The following USP24 variants were observed in gnomAD, a reference collection of about 807,000 sequenced individuals.
USP24 encodes the protein ubiquitin specific peptidase 24.
Under a neutral mutation model 361.6 loss-of-function variants are expected in USP24, and 97 were observed. The ratio of observed to expected loss-of-function variants is 0.27; its 90% confidence interval spans 0.23 to 0.32. USP24 has a LOEUF of 0.32. Ranked by LOEUF, USP24 falls within the 10% of genes least tolerant of loss-of-function variation. USP24 has a pLI of 1.00. For synonymous variants in USP24, 1,098 were observed against 1,124.6 expected, an observed-to-expected ratio of 0.98 and a Z score of 0.47; for missense variants, 2,353 against 3,165.6, an observed-to-expected ratio of 0.74 and a Z score of 6.16.
Position 55,066,447 on chromosome 1 carries a change from T to C in USP24, c.*2598A>G, listed in dbSNP as rs1228770704. The C allele has an allele frequency of 6.6e-6, 1 of 152,200 alleles. No homozygotes were observed. The allele number at this position is 152,200 out of a possible 1,614,324, so 9.4% of individuals were successfully genotyped here. A position where few individuals can be genotyped will look rare whatever the true frequency, so the allele number is the denominator to read the frequency against. ...ATTTAGAATTAAGGTTCTTCCCTAG[T>C]GTATCTACTTCCTTTTGAAATTTTA... On this transcript the variant is annotated 3_prime_UTR_variant, in exon 68 of 68. Transcript: ENST00000294383.
chr1:55,169,906 TTA>T (rs1291659130), intron 5 of USP24, among the ~76,000 whole-genome samples: 4 of 151,920 alleles, frequency 2.6e-5, no homozygotes, highest in Non-Finnish European at 5.9e-5. Flanking sequence ...AATGAATCAT[TTA>T]AGAGGGGAGC....
intron 32 of USP24, among the ~76,000 whole-genome samples, chr1:55,127,771 T>G (rs995904885): frequency 6.6e-6 from 1 of 152,162 alleles, no homozygotes; most frequent in Non-Finnish European, 1.5e-5. Context: ...TAACTGGTGT[T>G]AGATGGTATC....
rs376564722 is a variant in USP24, at chr1:55,165,865, T to C, written c.927+20A>G. Reference sequence around the variant, plus strand: ...GTGAAATGAATTTCCACAGTGAGCATATACAGTAGTTTAACTTACCCCAAG... The same window carrying C: ...GTGAAATGAATTTCCACAGTGAGCACATACAGTAGTTTAACTTACCCCAAG... On this transcript the variant is annotated intron_variant, in intron 7 of 67. Coordinates refer to ENST00000294383, the MANE Select transcript of USP24 (RefSeq NM_015306.3). 274 of 1,579,892 alleles carry C rather than the reference T, an allele frequency of 1.7e-4. No individual in the cohort carries two copies. Among genetic ancestry groups the C allele is most frequent in the Non-Finnish European group, 2.2e-4 (254 of 1,159,642 alleles).
At chr1:55,091,501 C>T (rs923190045) in intron 54 of USP24, among the ~76,000 whole-genome samples, 3 of 152,278 alleles carry the variant, frequency 2.0e-5, no homozygotes, top group South Asian at 2.1e-4. Flanking sequence ...AAACCTTTCA[C>T]GATCTCCCAC....
chr1:55,111,885 G>T (rs575134689), intron 38 of USP24, among the ~76,000 whole-genome samples: 2 of 152,118 alleles, frequency 1.3e-5, no homozygotes, highest in East Asian at 3.9e-4. Context: ...CGGGATACAG[G>T]GGCCAGAAAT....
At position 55,081,464 on chromosome 1, in the gene USP24, T is replaced by C. The variant is rs762287183; in HGVS notation, c.6976-40A>G. 2.6e-6 allele frequency: 4 copies of C among 1,566,768 alleles called. No homozygotes were observed. The Admixed American group carries it at 5.0e-5, about 20-fold the overall frequency. ...GATAAAGTGGCTGTTAGTGTTGTCG[T>C]CAGAAATAATATGAAGAGGAAGGGA... is the stretch of plus-strand genomic sequence containing the variant. On this transcript the variant is annotated intron_variant, in intron 58 of 67. Coordinates refer to ENST00000294383, the MANE Select transcript of USP24 (RefSeq NM_015306.3).
chr1:55,171,032 CAG>C (rs970943279), intron 5 of USP24, among the ~76,000 whole-genome samples: 8 of 152,148 alleles, frequency 5.3e-5, no homozygotes, highest in African/African-American at 1.9e-4. Context: ...TGAAACCAAA[CAG>C]TGTTTTAACT....
intron 61 of USP24, among the ~76,000 whole-genome samples, chr1:55,077,876 T>C (rs1251119516): frequency 6.6e-6 from 1 of 152,228 alleles, no homozygotes; most frequent in Non-Finnish European, 1.5e-5. Context: ...TCACGTATTA[T>C]ACCACCTCAC....
At chr1:55,204,708 T>C (rs926322913) in intron 1 of USP24, among the ~76,000 whole-genome samples, 15 of 152,200 alleles carry the variant, frequency 9.9e-5, no homozygotes, top group African/African-American at 2.4e-4. Context: ...AGAAAAGAAA[T>C]ATGTCTGATT....
At position 55,134,985 on chromosome 1, in the gene USP24, A is replaced by C. The variant is rs78359648; in HGVS notation, c.3202-572T>G. On this transcript the variant is annotated intron_variant, in intron 28 of 67. Transcript: ENST00000294383. ...GGAATAAGAAATCGGACATCATTAC[A>C]CAACGTATTTACAAGTGGGAAGATT... Among the ~76,000 whole-genome samples, 175 of 152,302 alleles carry C rather than the reference A, an allele frequency of 1.1e-3. 1 individual carries two copies. Among genetic ancestry groups the C allele is most frequent in the Non-Finnish European group, 5.4e-4 (37 of 68,026 alleles).
At chr1:55,173,366 G>A (rs1455155354) in intron 3 of USP24, among the ~76,000 whole-genome samples, 1 of 152,048 alleles carries the variant, frequency 6.6e-6, no homozygotes, top group South Asian at 2.1e-4. Flanking sequence ...ATAAAACAAT[G>A]GTACAAATCT....
chr1:55,082,251 A>C (rs574421948), intron 58 of USP24, among the ~76,000 whole-genome samples: 1 of 152,338 alleles, frequency 6.6e-6, no homozygotes, highest in East Asian at 1.9e-4. Context: ...GACCTTGGAC[A>C]ACTTACTTAA....
At chr1:55,153,348 C>T (rs1210325804) in intron 16 of USP24, among the ~76,000 whole-genome samples, 1 of 152,214 alleles carries the variant, frequency 6.6e-6, no homozygotes, top group Non-Finnish European at 1.5e-5. Flanking sequence ...TCCAACCCTA[C>T]CTTCTAAAAT....
chr1:55,188,964 C>A (rs1398609389), intron 1 of USP24, among the ~76,000 whole-genome samples: 1 of 74,392 alleles, frequency 1.3e-5, no homozygotes, highest in African/African-American at 7.1e-5. Flanking sequence ...AACTCCATCT[C>A]AAAAAAAAAA....
At chr1:55,161,064 C>T (rs765783443) in intron 8 of USP24, among the ~76,000 whole-genome samples, 5 of 152,030 alleles carry the variant, frequency 3.3e-5, no homozygotes, top group Non-Finnish European at 5.9e-5. Flanking sequence ...CTAAAGAAAG[C>T]ATTTAACATT....
chr1:55,077,651 AATACTC>A (rs1218629953), intron 61 of USP24, among the ~76,000 whole-genome samples: 1 of 152,236 alleles, frequency 6.6e-6, no homozygotes, highest in Non-Finnish European at 1.5e-5. Flanking sequence ...TACAAATGGG[AATACTC>A]TGAGTTAAGG....
At chr1:55,155,554 A>G (rs566969528) in intron 12 of USP24, among the ~76,000 whole-genome samples, 47 of 152,200 alleles carry the variant, frequency 3.1e-4, no homozygotes, top group Non-Finnish European at 5.4e-4. Context: ...ATATGAGTGT[A>G]TTCCACCAAC....
chr1:55,123,630 G>A (rs965060815), intron 35 of USP24, 28 bp from the exon 36 acceptor site: 9 of 1,565,852 alleles, frequency 5.7e-6, no homozygotes, highest in African/African-American at 2.7e-5. Flanking sequence ...GAAATTTACT[G>A]TGGATCCTAC....
rs569473705 is a variant in USP24, at chr1:55,204,721, T to C, written c.324+10069A>G. Among the ~76,000 whole-genome samples, 5 of 152,348 alleles carry C rather than the reference T, an allele frequency of 3.3e-5. No homozygotes were observed. The East Asian group carries it at 9.6e-4, about 29-fold the overall frequency. On this transcript the variant is annotated intron_variant, in intron 1 of 67. Coordinates refer to ENST00000294383, the MANE Select transcript of USP24 (RefSeq NM_015306.3). Reference sequence around the variant, plus strand: ...ACAGAAAAGAAATATGTCTGATTTGTTCACCATTGTATTCATTTCTAACAT... The same window carrying C: ...ACAGAAAAGAAATATGTCTGATTTGCTCACCATTGTATTCATTTCTAACAT...
Sources: gnomAD v4.1 joint callset for allele counts (sites outside exome capture counted in the v4.1 genomes callset) on GRCh38, gnomAD v4.1.1 for gene constraint, MANE v1.5 for transcripts, NCBI Gene and HGNC (gene_info 2026-07-23, HGNC 2026-07-21) for gene names.